The following ENPP6 variants were observed in gnomAD, a reference collection of about 807,000 sequenced individuals.
The protein encoded by ENPP6 is glycerophosphocholine cholinephosphodiesterase ENPP6.
ENPP6 carries 32 observed loss-of-function variants against 42.0 expected under a neutral mutation model. The observed-to-expected ratio is 0.76, with a 90% confidence interval of 0.58 to 1.02. The LOEUF (loss-of-function observed/expected upper bound fraction) is 1.02, where lower values mean the gene tolerates loss of function less well. Among genes scored for constraint, ENPP6 ranks in the 50% least tolerant of loss-of-function variants. The probability of loss-of-function intolerance (pLI) is 0.00; values close to 1 mark genes in which losing one functional copy is unlikely to be tolerated. For missense variants in ENPP6, 552 were observed against 566.8 expected (o/e 0.97, Z 0.27); for synonymous variants, 213 against 216.0 (o/e 0.99, Z 0.12).
rs1218846579 is a variant in ENPP6 at position 184,101,342 on chromosome 4, GTGTGTGTGTA to G, written c.994-3984_994-3975del. Among the ~76,000 whole-genome samples, 594 of 99,344 alleles carry G rather than the reference GTGTGTGTGTA, an allele frequency of 6.0e-3. 7 individuals carry two copies. The highest frequency in any genetic ancestry group is 0.016 in the African/African-American group (408 of 26,078). The allele number at this position is 99,344 out of a possible 152,430, so 65.2% of individuals were successfully genotyped here. On this transcript the variant is annotated intron_variant, in intron 6 of 7. Transcript: ENST00000296741. ...TGTGTGTGTGTGTGTGTGTGTGTGTGTGTGTGTGTAGCACTGGGGTAGGGAGATGGGGAGG... is the reference window on the plus strand; with the variant it reads ...TGTGTGTGTGTGTGTGTGTGTGTGTGGCACTGGGGTAGGGAGATGGGGAGG...
At chr4:184,148,932 T>C (rs1677985619) in intron 2 of ENPP6, among the ~76,000 whole-genome samples, 1 of 152,250 alleles carries the variant, frequency 6.6e-6, no homozygotes, top group African/African-American at 2.4e-5. Context: ...TGCATTCTTC[T>C]GGAAAGACGT....
At chr4:184,135,566 CA>C (rs1170710223) in intron 2 of ENPP6, among the ~76,000 whole-genome samples, 1 of 152,176 alleles carries the variant, frequency 6.6e-6, no homozygotes, top group Non-Finnish European at 1.5e-5. Flanking sequence ...CAACTTTCTG[CA>C]TACTTATATT....
At chr4:184,207,866 G>A (rs1229186772) in intron 1 of ENPP6, among the ~76,000 whole-genome samples, 2 of 152,184 alleles carry the variant, frequency 1.3e-5, no homozygotes, top group African/African-American at 4.8e-5. Context: ...AGCAGCATTG[G>A]TGTCTCCTGG....
At position 184,116,965 on chromosome 4, in the gene ENPP6, A is replaced by G. The variant is rs1426333714; in HGVS notation, c.746T>C (p.Met249Thr). The change falls in exon 5 of 8, where the codon ATG becomes ACG. Residue 249 changes from methionine (M) to threonine (T), a missense_variant. By Grantham distance (81) the Met-to-Thr change is moderately conservative. This residue lies in a region of ENPP6 where 545 missense variants were observed against 546.3 expected (regional missense o/e 1.00). Coordinates refer to ENST00000296741, the MANE Select transcript of ENPP6 (RefSeq NM_153343.4). ...SDHGMTDIFW[M>T]DKVIELNKYI... ...CTTATTCAGCTCAATCACTTTGTCCATCCAGAAAATGTCGGTCATTCCGTG... is the reference window on the plus strand; with the variant it reads ...CTTATTCAGCTCAATCACTTTGTCCGTCCAGAAAATGTCGGTCATTCCGTG... The G allele has an allele frequency of 1.2e-6, 2 of 1,614,072 alleles. No homozygotes were observed. Among genetic ancestry groups the G allele is most frequent in the African/African-American group, 1.3e-5 (1 of 74,926 alleles).
Position 184,112,822 on chromosome 4 carries a change from T to C in ENPP6, c.856-13A>G, listed in dbSNP as rs757290881. 2.5e-6 allele frequency: 4 copies of C among 1,611,470 alleles called. No homozygotes were observed. The highest frequency in any genetic ancestry group is 1.3e-5 in the African/African-American group (1 of 74,954). On this transcript the variant is annotated splice_polypyrimidine_tract_variant and intron_variant, in intron 5 of 7. Coordinates refer to ENST00000296741, the MANE Select transcript of ENPP6 (RefSeq NM_153343.4). ...GTTTGTTATATATCTGCAAAGAAAA[T>C]CAAGAGTGATCAGTTTGACACTCTC...
intron 2 of ENPP6, among the ~76,000 whole-genome samples, chr4:184,139,087 G>A (rs1448392563): frequency 6.6e-6 from 1 of 152,236 alleles, no homozygotes; most frequent in East Asian, 1.9e-4. Context: ...TGCAACCCAA[G>A]TGGATGGAGA....
chr4:184,093,611 C>G (rs1735844292), intron 7 of ENPP6, among the ~76,000 whole-genome samples: 1 of 149,902 alleles, frequency 6.7e-6, no homozygotes, highest in African/African-American at 2.5e-5. Flanking sequence ...TGCACTCCAG[C>G]CTGGGCAACA....
intron 6 of ENPP6, among the ~76,000 whole-genome samples, chr4:184,103,036 G>T (rs1479275310): frequency 6.6e-6 from 1 of 152,240 alleles, no homozygotes; most frequent in East Asian, 1.9e-4. Context: ...ATGTCCCTTT[G>T]TGTGGCACTG....
intron 6 of ENPP6, among the ~76,000 whole-genome samples, chr4:184,109,238 A>C (rs373185772): frequency 3.2e-4 from 36 of 111,532 alleles, no homozygotes; most frequent in African/African-American, 9.8e-4. Flanking sequence ...AACAACAAAA[A>C]AAAACAAAAC....
intron 1 of ENPP6, among the ~76,000 whole-genome samples, chr4:184,208,210 C>A (rs1022288278): frequency 3.9e-5 from 6 of 152,022 alleles, no homozygotes; most frequent in Non-Finnish European, 8.8e-5. Context: ...TGGTGAAAGG[C>A]CTGTTTTAAG....
rs1460607176 is a variant in ENPP6, at chr4:184,131,260, C to CT, written c.422-6989dup. Reference sequence around the variant, plus strand: ...CTTTTCTTTCTTTCTTTCTCTTTCTCTTCCTTCCTTCCTTCCTTCCTTCCT... The same window carrying CT: ...CTTTTCTTTCTTTCTTTCTCTTTCTCTTTCCTTCCTTCCTTCCTTCCTTCCT... On this transcript the variant is annotated intron_variant, in intron 2 of 7. Transcript: ENST00000296741. Among the ~76,000 whole-genome samples the CT allele has an allele frequency of 4.3e-3, 32 of 7,488 alleles. No homozygotes were observed. In the East Asian group the frequency reaches 0.047, roughly 11 times the overall value. The allele number at this position is 7,488 out of a possible 152,430, so 4.9% of individuals were successfully genotyped here.
intron 6 of ENPP6, among the ~76,000 whole-genome samples, 161 bp from the exon 7 acceptor site, chr4:184,097,529 C>G (rs542450124): frequency 7.6e-4 from 116 of 152,282 alleles, no homozygotes; most frequent in African/African-American, 2.7e-3. Context: ...TGCTCCAGGC[C>G]GCTCAGACCT....
In ENPP6 at chr4:184,147,123, C is replaced by T. The variant is rs575406114; in HGVS notation, c.421+6431G>A. On this transcript the variant is annotated intron_variant, in intron 2 of 7. Transcript: ENST00000296741. ...AGACTGCTTCTCTTTCAGCTCCACC[C>T]GATTCAGTGAAGAATCACCATCTAT... Among the ~76,000 whole-genome samples the T allele has an allele frequency of 6.6e-5, 10 of 152,306 alleles. No homozygotes were observed. In the Middle Eastern group the frequency reaches 0.01, roughly 155 times the overall value.
intron 1 of ENPP6, among the ~76,000 whole-genome samples, chr4:184,156,451 G>A (rs1026434682): frequency 6.6e-6 from 1 of 152,136 alleles, no homozygotes; most frequent in South Asian, 2.1e-4. Flanking sequence ...TGCAGCCCAC[G>A]AGCTCTCATC....
intron 1 of ENPP6, among the ~76,000 whole-genome samples, chr4:184,194,898 G>A (rs576170701): frequency 5.3e-5 from 8 of 152,142 alleles, no homozygotes; most frequent in Non-Finnish European, 1.0e-4. Context: ...CCCCAACTCC[G>A]TGGGACTGCC....
At chr4:184,095,426 G>C (rs910059079) in intron 7 of ENPP6, among the ~76,000 whole-genome samples, 3 of 152,032 alleles carry the variant, frequency 2.0e-5, no homozygotes, top group Non-Finnish European at 4.4e-5. Flanking sequence ...TTGGGAGGCT[G>C]AGACAGGCAG....
chr4:184,172,506 G>A (rs1342009107), intron 1 of ENPP6, among the ~76,000 whole-genome samples: 5 of 152,144 alleles, frequency 3.3e-5, no homozygotes, highest in South Asian at 2.1e-4. Flanking sequence ...GCGGTCTGAA[G>A]GGTAATGCTG....
intron 6 of ENPP6, among the ~76,000 whole-genome samples, chr4:184,107,499 G>C (rs1264973496): frequency 6.6e-6 from 1 of 152,238 alleles, no homozygotes; most frequent in Non-Finnish European, 1.5e-5. Context: ...AGGGTCAGCA[G>C]TCCCGCTGGA....
At chr4:184,140,216 A>G (rs1341607012) in intron 2 of ENPP6, among the ~76,000 whole-genome samples, 1 of 151,908 alleles carries the variant, frequency 6.6e-6, no homozygotes, top group African/African-American at 2.4e-5. Flanking sequence ...AGAACTACAA[A>G]CCACTGCTCA....
Sources: allele counts gnomAD v4.1 joint callset (sites outside exome capture counted in the v4.1 genomes callset), GRCh38; gene constraint gnomAD v4.1.1; regional missense constraint gnomAD v4.1.1; transcripts MANE v1.5; gene names NCBI Gene and HGNC (gene_info 2026-07-23, HGNC 2026-07-21).